Variants in KAZN observed in about 807,000 individuals in gnomAD.
KAZN encodes kazrin.
Under a neutral mutation model 87.4 loss-of-function variants are expected in KAZN, and 40 were observed. The observed-to-expected ratio is 0.46, with a 90% confidence interval of 0.36 to 0.60. KAZN has a LOEUF of 0.60. Ranked by LOEUF, KAZN falls within the 20% of genes least tolerant of loss-of-function variation. The probability of loss-of-function intolerance (pLI) is 0.00; values close to 1 mark genes in which losing one functional copy is unlikely to be tolerated. For missense variants in KAZN, 898 were observed against 1,073.9 expected (o/e 0.84, Z 2.29); for synonymous variants, 466 against 458.3 (o/e 1.02, Z -0.22).
At position 14,365,380 on chromosome 1, in the gene KAZN, G is replaced by GC. The variant is rs1404697114; in HGVS notation, c.249+184788_249+184789insC. 3.7e-3 allele frequency among the ~76,000 whole-genome samples: 504 copies of GC among 135,996 alleles called. 8 individuals are homozygous for GC. Among genetic ancestry groups the GC allele is most frequent in the Non-Finnish European group, 5.5e-3 (345 of 63,198 alleles). The allele number at this position is 135,996 out of a possible 152,430, so 89.2% of individuals were successfully genotyped here. A position where few individuals can be genotyped will look rare whatever the true frequency, so the allele number is the denominator to read the frequency against. On this transcript the variant is annotated intron_variant, in intron 2 of 16. Coordinates refer to the KAZN transcript ENST00000636203. Reference sequence around the variant, plus strand: ...CCTCCCCCCGGGGTGGGGGGGGGGGGGGTCTTTCAAGGTCACCAGCTGTGT... The same window carrying GC: ...CCTCCCCCCGGGGTGGGGGGGGGGGGCGGTCTTTCAAGGTCACCAGCTGTGT...
intron 1 of KAZN, among the ~76,000 whole-genome samples, chr1:14,149,462 C>A (rs539628155): frequency 6.0e-4 from 92 of 152,098 alleles, no homozygotes; most frequent in Non-Finnish European, 1.1e-3. Context: ...TCTTTCTGGA[C>A]ATGATCTTGC....
chr1:14,289,167 G>T (rs1450268598), intron 2 of KAZN, among the ~76,000 whole-genome samples: 5 of 152,196 alleles, frequency 3.3e-5, no homozygotes, highest in African/African-American at 7.2e-5. Flanking sequence ...TGTTGATTGG[G>T]GTGGAGAGTT....
chr1:14,465,213 C>T (rs905531654), intron 2 of KAZN, among the ~76,000 whole-genome samples: 1 of 151,730 alleles, frequency 6.6e-6, no homozygotes, highest in Non-Finnish European at 1.5e-5. Context: ...TCCTGGCTAA[C>T]ATGGTGAAAC....
intron 2 of KAZN, among the ~76,000 whole-genome samples, chr1:14,383,430 AG>A (rs1303730476): frequency 6.6e-6 from 1 of 152,028 alleles, no homozygotes; most frequent in Non-Finnish European, 1.5e-5. Flanking sequence ...GTTTTCTTCT[AG>A]GGTTTTTATG....
At chr1:15,009,966 C>T (rs1669414835) in intron 2 of KAZN, among the ~76,000 whole-genome samples, 1 of 152,142 alleles carries the variant, frequency 6.6e-6, no homozygotes, top group Admixed American at 6.5e-5. Flanking sequence ...AAACTATCAT[C>T]TCACTTGAAA....
chr1:14,668,721 T>C (rs1452111217), intron 1 of KAZN, among the ~76,000 whole-genome samples: 1 of 152,182 alleles, frequency 6.6e-6, no homozygotes, highest in Non-Finnish European at 1.5e-5. Context: ...CGTAAGGTGA[T>C]AGTTTGTCGC....
rs577638642 is a variant in KAZN, at chr1:13,998,282, A to G, written c.91+104526A>G. Among the ~76,000 whole-genome samples the G allele has an allele frequency of 2.0e-5, 3 of 152,350 alleles. No individual in the cohort carries two copies. In the South Asian group the frequency reaches 6.2e-4, roughly 32 times the overall value. On this transcript the variant is annotated intron_variant, in intron 1 of 16. Transcript: ENST00000636203. ...CCACTGCAAAAACACACCAAAATATAAAGACCAACGACACTATGAAAAAAC... is the reference window on the plus strand; with the variant it reads ...CCACTGCAAAAACACACCAAAATATGAAGACCAACGACACTATGAAAAAAC...
intron 2 of KAZN, among the ~76,000 whole-genome samples, chr1:14,306,123 C>T (rs747230691): frequency 6.6e-6 from 1 of 152,118 alleles, no homozygotes; most frequent in African/African-American, 2.4e-5. Flanking sequence ...AGGCAGACAT[C>T]GTTAATGGAA....
chr1:14,550,693 C>T (rs1336691241), intron 2 of KAZN, among the ~76,000 whole-genome samples: 2 of 144,728 alleles, frequency 1.4e-5, no homozygotes, highest in African/African-American at 2.5e-5. Flanking sequence ...TTCCCTGCCT[C>T]TCTCCTCTTT....
intron 2 of KAZN, among the ~76,000 whole-genome samples, chr1:14,382,956 T>A (rs1388422767): frequency 6.6e-6 from 1 of 151,294 alleles, no homozygotes; most frequent in Non-Finnish European, 1.5e-5. Flanking sequence ...GTGTTCCTAT[T>A]TCTCCACATC....
Position 15,096,698 on chromosome 1 carries a change from T to C in KAZN, c.1547+1765T>C, listed in dbSNP as rs1640821917. On this transcript the variant is annotated intron_variant, in intron 10 of 14. Transcript: ENST00000376030. This position sits in a 1 kb window ranked among gnomAD's most constrained non-coding sequence, Gnocchi z 4.5. ...CTTCCTGGCTTGCAGAAGGCAACCTTCTTGCTGTGTCCTCACATGGGGAAG... is the reference window on the plus strand; with the variant it reads ...CTTCCTGGCTTGCAGAAGGCAACCTCCTTGCTGTGTCCTCACATGGGGAAG... 6.6e-6 allele frequency among the ~76,000 whole-genome samples: 1 copy of C among 152,182 alleles called. No individual in the cohort carries two copies. The highest frequency in any genetic ancestry group is 1.5e-5 in the Non-Finnish European group (1 of 68,022).
chr1:14,358,931 G>A (rs1659270294), intron 2 of KAZN, among the ~76,000 whole-genome samples: 1 of 152,216 alleles, frequency 6.6e-6, no homozygotes. Flanking sequence ...TTCTGTAGAT[G>A]TGTATTAGGT....
chr1:14,984,830 C>T (rs1222433201), intron 2 of KAZN, among the ~76,000 whole-genome samples: 1 of 152,054 alleles, frequency 6.6e-6, no homozygotes, highest in Admixed American at 6.6e-5. Context: ...AATTGAACAT[C>T]CAATAAAATA....
At chr1:14,404,721 G>A (rs1191390090) in intron 2 of KAZN, among the ~76,000 whole-genome samples, 2 of 152,130 alleles carry the variant, frequency 1.3e-5, no homozygotes, top group African/African-American at 2.4e-5. Flanking sequence ...TTAAGAGAAT[G>A]AAGTACTGAA....
chr1:14,618,346 C>G (rs1315587687), intron 1 of KAZN, among the ~76,000 whole-genome samples: 1 of 152,218 alleles, frequency 6.6e-6, no homozygotes, highest in African/African-American at 2.4e-5. Context: ...CTCCATTTTC[C>G]CATCAGGAAG....
At chr1:14,692,766 C>A (rs1257605784) in intron 1 of KAZN, among the ~76,000 whole-genome samples, 1 of 152,140 alleles carries the variant, frequency 6.6e-6, no homozygotes, top group Admixed American at 6.5e-5. Context: ...AACCCTGTTT[C>A]TACTAAAAGT....
intron 1 of KAZN, among the ~76,000 whole-genome samples, chr1:14,860,976 C>G (rs1244318973): frequency 6.6e-6 from 1 of 152,208 alleles, no homozygotes; most frequent in Non-Finnish European, 1.5e-5. Context: ...TCTCTTGTCT[C>G]TTGTCCCTGG....
At chr1:13,936,486 T>C (rs940337652) in intron 1 of KAZN, among the ~76,000 whole-genome samples, 2 of 152,112 alleles carry the variant, frequency 1.3e-5, no homozygotes, top group Admixed American at 6.6e-5. Context: ...ATAATGAACA[T>C]TGTACTCAAC....
intron 2 of KAZN, among the ~76,000 whole-genome samples, chr1:14,310,799 C>G (rs943313654): frequency 7.9e-5 from 12 of 152,206 alleles, no homozygotes; most frequent in Non-Finnish European, 1.2e-4. Flanking sequence ...CCTGGCAGCC[C>G]CATCTCTTTC....
Sources: allele counts gnomAD v4.1 joint callset (sites outside exome capture counted in the v4.1 genomes callset), GRCh38; gene constraint gnomAD v4.1.1; non-coding constraint Gnocchi (gnomAD v3.1); transcripts MANE v1.5; gene names NCBI Gene and HGNC (gene_info 2026-07-23, HGNC 2026-07-21).